Variants in SUGCT observed in about 807,000 individuals in gnomAD.
SUGCT encodes the protein succinyl-CoA:glutarate-CoA transferase.
SUGCT carries 41 observed loss-of-function variants against 55.0 expected under a neutral mutation model. That is an observed-to-expected ratio of 0.74 (90% CI 0.58 to 0.97). The LOEUF is 0.97. SUGCT is among the 50% of genes least tolerant of loss of function. SUGCT has a pLI of 0.00. For missense variants in SUGCT, 568 were observed against 547.8 expected (o/e 1.04, Z -0.37); for synonymous variants, 187 against 200.4 (o/e 0.93, Z 0.56).
At chr7:40,361,907 A>C (rs1282892586) in intron 9 of SUGCT, among the ~76,000 whole-genome samples, 4 of 151,944 alleles carry the variant, frequency 2.6e-5, no homozygotes, top group African/African-American at 9.7e-5. Context: ...ATCGCCAGAG[A>C]TTCTGATTTA....
At chr7:40,215,574 G>C (rs1238884050) in intron 6 of SUGCT, among the ~76,000 whole-genome samples, 1 of 152,110 alleles carries the variant, frequency 6.6e-6, no homozygotes, top group African/African-American at 2.4e-5. Flanking sequence ...TTAATATTAA[G>C]AGATTAGGCC....
intron 6 of SUGCT, among the ~76,000 whole-genome samples, chr7:40,199,223 G>A (rs917072895): frequency 6.6e-6 from 1 of 152,088 alleles, no homozygotes; most frequent in Non-Finnish European, 1.5e-5. Flanking sequence ...TCTTAGAATG[G>A]CTGGGAGATT....
intron 12 of SUGCT, among the ~76,000 whole-genome samples, chr7:40,658,548 T>C (rs1801139738): frequency 6.6e-6 from 1 of 152,160 alleles, no homozygotes; most frequent in African/African-American, 2.4e-5. Context: ...CAAAGGCAGA[T>C]ACTCTCTTGT....
At chr7:40,475,145 T>G (rs1036590577) in intron 11 of SUGCT, among the ~76,000 whole-genome samples, 1 of 152,224 alleles carries the variant, frequency 6.6e-6, no homozygotes, top group African/African-American at 2.4e-5. Flanking sequence ...GCCTTCATGG[T>G]AAAGTACATT....
chr7:40,929,049 C>T, the SUGCT span, among the ~76,000 whole-genome samples: 65 of 152,192 alleles, frequency 4.3e-4, no homozygotes, highest in East Asian at 0.012. Context: ...TTGTCATTTA[C>T]GTTAGGTATT....
At chr7:40,390,689 A>C (rs986738105) in intron 9 of SUGCT, among the ~76,000 whole-genome samples, 7 of 152,186 alleles carry the variant, frequency 4.6e-5, no homozygotes, top group African/African-American at 1.7e-4. Flanking sequence ...AATCAATATC[A>C]TGAAAATGGC....
At chr7:40,506,204 C>G (rs539490264) in intron 12 of SUGCT, among the ~76,000 whole-genome samples, 105 of 151,812 alleles carry the variant, frequency 6.9e-4, no homozygotes, top group African/African-American at 2.2e-3. Flanking sequence ...AATTTTTTTC[C>G]ACGTTTTTTT....
chr7:40,325,582 T>A (rs1233909892), intron 9 of SUGCT, among the ~76,000 whole-genome samples: 1 of 152,044 alleles, frequency 6.6e-6, no homozygotes, highest in Non-Finnish European at 1.5e-5. Context: ...GGATTTAAGG[T>A]TTTAAAACTT....
chr7:40,845,159 T>C (rs1204558520), intron 13 of SUGCT, among the ~76,000 whole-genome samples: 2 of 152,178 alleles, frequency 1.3e-5, no homozygotes, highest in African/African-American at 2.4e-5. Context: ...AACATTAATT[T>C]TGTTGTCAGC....
At chr7:40,663,557 G>A (rs1801446596) in intron 12 of SUGCT, among the ~76,000 whole-genome samples, 2 of 150,782 alleles carry the variant, frequency 1.3e-5, no homozygotes, top group Non-Finnish European at 3.0e-5. Context: ...CCCACCCCAA[G>A]TCTCTCTTGG....
chr7:40,382,182 G>C (rs1021255807), intron 9 of SUGCT, among the ~76,000 whole-genome samples: 8 of 152,028 alleles, frequency 5.3e-5, no homozygotes, highest in African/African-American at 1.9e-4. Flanking sequence ...CCTCTTTTAA[G>C]AGTTTTTATG....
At chr7:40,681,913 AGTTT>A (rs1234433221) in intron 12 of SUGCT, among the ~76,000 whole-genome samples, 5 of 152,126 alleles carry the variant, frequency 3.3e-5, no homozygotes, top group African/African-American at 9.7e-5. Flanking sequence ...TTCAGTCCTC[AGTTT>A]TTCGAGTAGG....
intron 7 of SUGCT, among the ~76,000 whole-genome samples, chr7:40,241,024 G>A (rs184000038): frequency 1.6e-4 from 25 of 152,304 alleles, no homozygotes; most frequent in African/African-American, 5.8e-4. Flanking sequence ...AGGAAGTGGG[G>A]CCAAATGTGG....
At chr7:40,148,131 C>T (rs1334191566) in intron 1 of SUGCT, among the ~76,000 whole-genome samples, 2 of 151,130 alleles carry the variant, frequency 1.3e-5, no homozygotes, top group East Asian at 1.9e-4. Flanking sequence ...AGCAGGAAAT[C>T]GGAATGAGTC....
intron 9 of SUGCT, among the ~76,000 whole-genome samples, chr7:40,350,394 G>A (rs1164684961): frequency 1.3e-5 from 2 of 151,070 alleles, no homozygotes; most frequent in Non-Finnish European, 2.9e-5. Context: ...GTTCACTGCA[G>A]CCTCTGCCTC....
At chr7:40,817,643 C>A (rs1315879391) in intron 13 of SUGCT, among the ~76,000 whole-genome samples, 1 of 152,132 alleles carries the variant, frequency 6.6e-6, no homozygotes, top group Non-Finnish European at 1.5e-5. Flanking sequence ...ATCCAGCAAA[C>A]AACTGTCATT....
intron 9 of SUGCT, among the ~76,000 whole-genome samples, chr7:40,329,536 C>A (rs759010235): frequency 5.9e-5 from 9 of 152,090 alleles, no homozygotes; most frequent in Non-Finnish European, 1.0e-4. Context: ...TCAAGTGCCC[C>A]CTCCTCCTTC....
At chr7:40,720,990 T>C (rs578191016) in intron 12 of SUGCT, among the ~76,000 whole-genome samples, 30 of 152,360 alleles carry the variant, frequency 2.0e-4, no homozygotes, top group African/African-American at 6.7e-4. Flanking sequence ...AGGTTAATTT[T>C]TTGAAATACT....
intron 9 of SUGCT, among the ~76,000 whole-genome samples, chr7:40,338,705 A>T (rs1421960376): frequency 5.3e-5 from 8 of 152,166 alleles, no homozygotes; most frequent in Admixed American, 5.2e-4. Flanking sequence ...TTTCTGCTTT[A>T]GCTTGGAGAA....
Sources: gnomAD v4.1 joint callset for allele counts (sites outside exome capture counted in the v4.1 genomes callset) on GRCh38, gnomAD v4.1.1 for gene constraint, MANE v1.5 for transcripts, NCBI Gene and HGNC (gene_info 2026-07-23, HGNC 2026-07-21) for gene names.